PARD3: variants seen among roughly 807,000 people sequenced by gnomAD.
PARD3 encodes the protein par-3 family cell polarity regulator.
Under a neutral mutation model 155.4 loss-of-function variants are expected in PARD3, and 75 were observed. The ratio of observed to expected loss-of-function variants is 0.48; its 90% CI spans 0.40 to 0.58. PARD3 has a LOEUF of 0.58. PARD3 is among the 20% of genes least tolerant of loss of function. The pLI is 0.00. For synonymous variants in PARD3, 576 were observed against 610.5 expected (o/e 0.94, Z 0.83); for missense variants, 1,642 against 1,721.7 (o/e 0.95, Z 0.82).
intron 22 of PARD3, among the ~76,000 whole-genome samples, chr10:34,214,471 G>A (rs1462069950): frequency 2.0e-5 from 3 of 151,996 alleles, no homozygotes; most frequent in Non-Finnish European, 4.4e-5. Context: ...CCCGTTTCTG[G>A]GCACATGGGA....
At chr10:34,307,179 C>T (rs1016839077) in intron 20 of PARD3, among the ~76,000 whole-genome samples, 7 of 152,110 alleles carry the variant, frequency 4.6e-5, no homozygotes, top group Non-Finnish European at 8.8e-5. Flanking sequence ...CGTGAGCCAC[C>T]GCACCCGGCT....
intron 22 of PARD3, among the ~76,000 whole-genome samples, chr10:34,197,423 A>G (rs1950999508): frequency 6.6e-6 from 1 of 152,208 alleles, no homozygotes; most frequent in African/African-American, 2.4e-5. Flanking sequence ...CAGAAGAAAC[A>G]CAGGCCACCC....
At chr10:34,813,786 G>A (rs1265301047) in intron 1 of PARD3, among the ~76,000 whole-genome samples, 2 of 152,158 alleles carry the variant, frequency 1.3e-5, no homozygotes, top group Non-Finnish European at 2.9e-5. Flanking sequence ...AAGCCCACAG[G>A]GGCCAGGCCA....
intron 22 of PARD3, among the ~76,000 whole-genome samples, chr10:34,201,328 C>A (rs956644283): frequency 1.3e-5 from 2 of 152,182 alleles, no homozygotes; most frequent in Non-Finnish European, 2.9e-5. Context: ...GCTAAGAAAT[C>A]ATTTTATTTC....
At chr10:34,563,278 A>G (rs2085650416) in intron 2 of PARD3, among the ~76,000 whole-genome samples, 1 of 152,188 alleles carries the variant, frequency 6.6e-6, no homozygotes, top group African/African-American at 2.4e-5. Context: ...AAGCCTGAAA[A>G]TAAGGTTGAA....
chr10:34,453,869 C>G (rs758107630), intron 4 of PARD3, among the ~76,000 whole-genome samples: 2 of 152,196 alleles, frequency 1.3e-5, no homozygotes, highest in Non-Finnish European at 2.9e-5. Flanking sequence ...ATGGCAAGGT[C>G]TGCACTTTTC....
intron 2 of PARD3, among the ~76,000 whole-genome samples, chr10:34,568,915 T>C (rs563842798): frequency 2.6e-5 from 4 of 152,294 alleles, no homozygotes; most frequent in South Asian, 4.1e-4. Flanking sequence ...TATATATTAT[T>C]ATCTCCAAAT....
chr10:34,334,456 A>G (rs1053178403), intron 18 of PARD3, among the ~76,000 whole-genome samples: 3 of 151,768 alleles, frequency 2.0e-5, no homozygotes, highest in Non-Finnish European at 4.4e-5. Context: ...CAGATGTTCA[A>G]TGCTAAAATG....
At chr10:34,410,007 T>C (rs903614039) in intron 5 of PARD3, among the ~76,000 whole-genome samples, 9 of 152,194 alleles carry the variant, frequency 5.9e-5, no homozygotes, top group East Asian at 1.9e-4. Flanking sequence ...TGGGAAATAA[T>C]AGTATCTATC....
chr10:34,261,911 T>A (rs552136150), intron 22 of PARD3, among the ~76,000 whole-genome samples: 1 of 152,312 alleles, frequency 6.6e-6, no homozygotes, highest in South Asian at 2.1e-4. Context: ...TTAAACAAAA[T>A]GATTATTTGA....
intron 2 of PARD3, 51 bp downstream of exon 2, chr10:34,696,267 C>CT (rs1187640129): frequency 1.0e-6 from 1 of 961,460 alleles, no homozygotes; most frequent in East Asian, 2.5e-5. Context: ...CTCCCTAGTC[C>CT]TCAAAAAAAA....
chr10:34,298,349 C>T (rs1043815127), intron 20 of PARD3, among the ~76,000 whole-genome samples: 1 of 152,110 alleles, frequency 6.6e-6, no homozygotes, highest in Non-Finnish European at 1.5e-5. Flanking sequence ...CAACCGCTAG[C>T]GTGCATCGAC....
chr10:34,787,688 G>A (rs758005698), intron 1 of PARD3, among the ~76,000 whole-genome samples: 4 of 151,790 alleles, frequency 2.6e-5, no homozygotes, highest in African/African-American at 4.8e-5. Context: ...AAAGATAACC[G>A]TCATAGTCAT....
At chr10:34,199,142 A>G (rs1027329339) in intron 22 of PARD3, among the ~76,000 whole-genome samples, 6 of 152,130 alleles carry the variant, frequency 3.9e-5, no homozygotes, top group Admixed American at 3.9e-4. Flanking sequence ...ACAGGATCCA[A>G]TCAGATCGTG....
intron 5 of PARD3, among the ~76,000 whole-genome samples, chr10:34,425,096 T>TA (rs1696404617): frequency 1.3e-5 from 2 of 152,076 alleles, no homozygotes; most frequent in Admixed American, 6.6e-5. Flanking sequence ...CTTTTTTTTT[T>TA]ATTCCACCTC....
chr10:34,780,839 G>A (rs536405975), intron 1 of PARD3, among the ~76,000 whole-genome samples: 222 of 152,226 alleles, frequency 1.5e-3, no homozygotes, highest in Admixed American at 2.2e-3. Context: ...GGCAACATAC[G>A]CTGAAATAAG....
chr10:34,169,855 A>C (rs1949706805), intron 22 of PARD3, among the ~76,000 whole-genome samples: 2 of 152,140 alleles, frequency 1.3e-5, no homozygotes, highest in Admixed American at 1.3e-4. Flanking sequence ...TGATGGCCAC[A>C]GGGGGCCACC....
chr10:34,123,573 G>A (rs1323874457), intron 23 of PARD3, among the ~76,000 whole-genome samples: 1 of 151,994 alleles, frequency 6.6e-6, no homozygotes, highest in Non-Finnish European at 1.5e-5. Context: ...CTACAGGTAT[G>A]CACCACCATG....
At chr10:34,143,114 G>T (rs575383438) in intron 22 of PARD3, among the ~76,000 whole-genome samples, 6 of 152,182 alleles carry the variant, frequency 3.9e-5, no homozygotes, top group African/African-American at 1.4e-4. Context: ...GAGGTCAAGA[G>T]ATCAAGACCA....
Sources: gnomAD v4.1 joint callset for allele counts (sites outside exome capture counted in the v4.1 genomes callset) on GRCh38, gnomAD v4.1.1 for gene constraint, MANE v1.5 for transcripts, NCBI Gene and HGNC (gene_info 2026-07-23, HGNC 2026-07-21) for gene names.